Variants in BMERB1 observed in about 807,000 individuals in gnomAD.
BMERB1 encodes bMERB domain containing 1, also known as bMERB domain-containing protein 1.
A neutral mutation model predicts 23.6 loss-of-function variants in BMERB1; 12 were observed. The observed-to-expected ratio is 0.51, with a 90% CI of 0.33 to 0.82. BMERB1 has a LOEUF of 0.82. BMERB1 is among the 40% of genes least tolerant of loss of function. The pLI is 0.03. For synonymous variants in BMERB1, 122 were observed against 96.6 expected (o/e 1.26, Z -1.54); for missense variants, 247 against 255.4 (o/e 0.97, Z 0.22).
intron 1 of BMERB1, chr16:15,448,030 C>T: frequency 2.5e-6 from 1 of 406,544 alleles, no homozygotes; most frequent in Non-Finnish European, 4.9e-6. Flanking sequence ...GCCGGAATTA[C>T]AGGTACCCGC....
intron 2 of BMERB1, among the ~76,000 whole-genome samples, chr16:15,535,512 C>G (rs1322591044): frequency 4.0e-5 from 6 of 151,862 alleles, no homozygotes; most frequent in Non-Finnish European, 7.4e-5. Context: ...TAGGTGACTA[C>G]AGTGGTGTGT....
At chr16:15,496,573 C>T in intron 1 of BMERB1, among the ~76,000 whole-genome samples, 1 of 150,926 alleles carries the variant, frequency 6.6e-6, no homozygotes, top group East Asian at 1.9e-4. Context: ...CAGTCTTGCT[C>T]TGTCACCCAG....
intron 3 of BMERB1, among the ~76,000 whole-genome samples, chr16:15,580,623 C>CT (rs1290628115): frequency 6.6e-6 from 1 of 151,170 alleles, no homozygotes; most frequent in Non-Finnish European, 1.5e-5. Context: ...TCTCAGCTCA[C>CT]TGCAAGCTCC....
intron 4 of BMERB1, among the ~76,000 whole-genome samples, chr16:15,582,150 C>T (rs1029107302): frequency 2.0e-5 from 3 of 152,162 alleles, no homozygotes; most frequent in African/African-American, 4.8e-5. Context: ...GTAATCCCAG[C>T]GCTTCTGGGA....
intron 2 of BMERB1, among the ~76,000 whole-genome samples, chr16:15,519,814 A>G (rs2051827518): frequency 6.6e-6 from 1 of 152,126 alleles, no homozygotes; most frequent in African/African-American, 2.4e-5. Context: ...CTTTCCCCCA[A>G]GATCCACAGC....
intron 2 of BMERB1, among the ~76,000 whole-genome samples, chr16:15,535,810 T>C (rs542905949): frequency 6.6e-6 from 1 of 151,912 alleles, no homozygotes; most frequent in Non-Finnish European, 1.5e-5. Flanking sequence ...GACTCACAGT[T>C]TCGCATGGCT....
At chr16:15,565,817 G>T (rs138081988) in intron 2 of BMERB1, among the ~76,000 whole-genome samples, 64 of 152,340 alleles carry the variant, frequency 4.2e-4, no homozygotes, top group Non-Finnish European at 5.7e-4. Flanking sequence ...CTATGACTGT[G>T]CCTTGGGTGA....
chr16:15,495,103 C>T (rs1309884089), intron 1 of BMERB1, among the ~76,000 whole-genome samples: 1 of 151,770 alleles, frequency 6.6e-6, no homozygotes, highest in Non-Finnish European at 1.5e-5. Context: ...AAGCTGGTCT[C>T]GAACTCCTGA....
chr16:15,556,195 G>T (rs2030253154), intron 2 of BMERB1, among the ~76,000 whole-genome samples: 1 of 151,632 alleles, frequency 6.6e-6, no homozygotes, highest in African/African-American at 2.4e-5. Context: ...AAAAAAAATA[G>T]CATGTGATAG....
intron 1 of BMERB1, among the ~76,000 whole-genome samples, chr16:15,491,252 G>A (rs2051417238): frequency 6.6e-6 from 1 of 152,138 alleles, no homozygotes; most frequent in Non-Finnish European, 1.5e-5. Flanking sequence ...GTAGGCGTTC[G>A]ATCCTTTAAC....
intron 1 of BMERB1, among the ~76,000 whole-genome samples, chr16:15,506,159 C>T (rs1291769266): frequency 6.6e-6 from 1 of 151,844 alleles, no homozygotes; most frequent in East Asian, 1.9e-4. Flanking sequence ...AATTTACCTT[C>T]CTAATCTTTT....
intron 2 of BMERB1, among the ~76,000 whole-genome samples, chr16:15,536,084 C>T (rs1471874945): frequency 2.0e-5 from 3 of 152,130 alleles, no homozygotes; most frequent in African/African-American, 4.8e-5. Flanking sequence ...ATATCCTTTT[C>T]CCTGTAGGGT....
chr16:15,451,165 C>T (rs222133), intron 1 of BMERB1, among the ~76,000 whole-genome samples: 50,253 of 151,964 alleles, frequency 0.33, 9,235 homozygotes, highest in Middle Eastern at 0.48. Flanking sequence ...TTCCGTGCAA[C>T]CTTTCGTTTG....
At chr16:15,472,838 T>G (rs2051241408) in intron 1 of BMERB1, among the ~76,000 whole-genome samples, 1 of 151,472 alleles carries the variant, frequency 6.6e-6, no homozygotes, top group Non-Finnish European at 1.5e-5. Context: ...ACAGGTTACT[T>G]GACATATTTT....
chr16:15,482,068 C>T lies in BMERB1; in HGVS notation c.107-33237C>T, dbSNP rs926328125. Among the ~76,000 whole-genome samples, 6 of 152,070 alleles carry T rather than the reference C, an allele frequency of 3.9e-5. No individual in the cohort carries two copies. The East Asian group carries it at 1.2e-3, about 29-fold the overall frequency. On this transcript the variant is annotated intron_variant, in intron 1 of 5. Transcript: ENST00000300006. ...CTAAATAATCATCAGGACCATGAAC[C>T]TGACCATCTGTGAAAGACAGAGATG...
intron 1 of BMERB1, among the ~76,000 whole-genome samples, chr16:15,457,641 A>G (rs887640108): frequency 2.0e-5 from 3 of 152,104 alleles, no homozygotes; most frequent in East Asian, 3.9e-4. Context: ...ATTGCCTTCA[A>G]TGCTCACAGT....
intron 1 of BMERB1, among the ~76,000 whole-genome samples, chr16:15,489,993 A>C (rs1465496484): frequency 6.6e-6 from 1 of 151,762 alleles, no homozygotes; most frequent in African/African-American, 2.4e-5. Flanking sequence ...CAGCCTTCCG[A>C]GTAGCTGGGA....
chr16:15,490,743 A>T (rs1192450001), intron 1 of BMERB1, among the ~76,000 whole-genome samples: 3 of 152,228 alleles, frequency 2.0e-5, no homozygotes, highest in Non-Finnish European at 4.4e-5. Context: ...CTCTGCAAAG[A>T]TCTGTGATGC....
chr16:15,474,209 A>G (rs1431652936), intron 1 of BMERB1, among the ~76,000 whole-genome samples: 1 of 147,062 alleles, frequency 6.8e-6, no homozygotes, highest in Non-Finnish European at 1.5e-5. Flanking sequence ...ATGTCTTGGT[A>G]TGGATTTCTT....
Sources: allele counts gnomAD v4.1 joint callset (sites outside exome capture counted in the v4.1 genomes callset), GRCh38; gene constraint gnomAD v4.1.1; transcripts MANE v1.5; gene names NCBI Gene and HGNC (gene_info 2026-07-23, HGNC 2026-07-21).